The following PON3 variants were observed in gnomAD, a reference collection of about 807,000 sequenced individuals.
The protein encoded by PON3 is paraoxonase 3.
Under a neutral mutation model 36.3 loss-of-function variants are expected in PON3, and 37 were observed. The ratio of observed to expected loss-of-function variants is 1.02; its 90% CI spans 0.78 to 1.34. PON3 has a LOEUF of 1.34. PON3 is among the 40% of genes most tolerant of loss of function. The pLI, the probability that PON3 is intolerant of heterozygous loss-of-function variation, is 0.00. For synonymous variants in PON3, 155 were observed against 154.8 expected, an observed-to-expected ratio of 1.00 and a Z score of -0.01; for missense variants, 415 against 426.5, an observed-to-expected ratio of 0.97 and a Z score of 0.24.
At chr7:95,384,879 T>C (rs4425687) in intron 3 of PON3, among the ~76,000 whole-genome samples, 38,895 of 152,090 alleles carry the variant, frequency 0.26, 5,407 homozygotes, top group South Asian at 0.36. Context: ...ATATAAATCC[T>C]GCTGCTATAA....
At chr7:95,362,955 C>T (rs1808606980) in intron 6 of PON3, 114 bp from the exon 7 acceptor site, 1 of 737,276 alleles carries the variant, frequency 1.4e-6, no homozygotes, top group African/African-American at 1.7e-5. Context: ...CACTGCAATC[C>T]TTTTCTAAAC....
intron 3 of PON3, among the ~76,000 whole-genome samples, chr7:95,387,824 C>T (rs1809232302): frequency 6.6e-6 from 1 of 152,104 alleles, no homozygotes; most frequent in Non-Finnish European, 1.5e-5. Flanking sequence ...TCAGAAATAA[C>T]ACCACACATC....
At chr7:95,364,501 G>T (rs1808647288) in intron 5 of PON3, 2 of 239,242 alleles carry the variant, frequency 8.4e-6, no homozygotes, top group Non-Finnish European at 8.2e-6. Flanking sequence ...TGAGGTGAGT[G>T]GCTTGTGGAT....
chr7:95,396,101 T>C (rs1809425223), intron 1 of PON3, 176 bp downstream of exon 1: 1 of 710,426 alleles, frequency 1.4e-6, no homozygotes, highest in Non-Finnish European at 2.5e-6. Context: ...GAAACGCAAG[T>C]AGCTCACTTT....
Position 95,359,904 on chromosome 7 carries a change from A to C in PON3, c.*69T>G, listed in dbSNP as rs1808524743. 1 of 1,497,040 alleles carries C rather than the reference A, an allele frequency of 6.7e-7. No individual in the cohort carries two copies. Among genetic ancestry groups the C allele is most frequent in the East Asian group, 2.3e-5 (1 of 42,828 alleles). 92.7% of individuals were successfully genotyped at this position (1,497,040 alleles called of 1,614,324 possible). A position where few individuals can be genotyped will look rare whatever the true frequency, so the allele number is the denominator to read the frequency against. ...TTGCTATTTACTTACAGTGCCACTT[A>C]TCATACAATTATCAGTTTACTTTTA... On this transcript the variant is annotated 3_prime_UTR_variant, in exon 9 of 9. Coordinates refer to ENST00000265627, the MANE Select transcript of PON3 (RefSeq NM_000940.3).
rs371160660 is a variant in PON3 at position 95,360,147 on chromosome 7, C to T, written c.907-16G>A. 1.8e-4 allele frequency: 288 copies of T among 1,607,738 alleles called. 1 individual carries two copies. Among genetic ancestry groups the T allele is most frequent in the Middle Eastern group, 9.9e-4 (6 of 6,052 alleles). On this transcript the variant is annotated splice_polypyrimidine_tract_variant and intron_variant, in intron 8 of 8. Coordinates refer to ENST00000265627, the MANE Select transcript of PON3 (RefSeq NM_000940.3). ...TGCGAAGTACCTGTCGAGAAAAGAT[C>T]GTTTATTAGTATATTATGTGAGTAA...
chr7:95,360,053 C>T lies in PON3; in HGVS notation c.985G>A (p.Gly329Ser). 1 of 1,613,348 alleles carries T rather than the reference C, an allele frequency of 6.2e-7. No homozygotes were observed. Among genetic ancestry groups the T allele is most frequent in the African/African-American group, 1.3e-5 (1 of 74,880 alleles). ...TGGTACACAGAAGCCACAGAGGTGC[C>T]CTGAAGCACAGAGCCATTGTTGGCA... ...VYANNGSVLQ[G>S]TSVASVYHGK... is the part of the protein sequence containing the mutation. Residue 329 changes from glycine (G) to serine (S), a missense_variant, in exon 9 of 9, where the codon GGC becomes AGC. Gly to Ser is a moderately conservative substitution (Grantham distance 56). Coordinates refer to ENST00000265627, the MANE Select transcript of PON3 (RefSeq NM_000940.3).
intron 3 of PON3, among the ~76,000 whole-genome samples, chr7:95,388,761 A>C (rs1162817309): frequency 6.6e-6 from 1 of 152,238 alleles, no homozygotes; most frequent in East Asian, 1.9e-4. Flanking sequence ...ATGCAGCCAT[A>C]AAAGAGGATG....
chr7:95,372,753 G>A (rs1322669191), intron 3 of PON3, among the ~76,000 whole-genome samples: 1 of 152,144 alleles, frequency 6.6e-6, no homozygotes, highest in Admixed American at 6.5e-5. Context: ...CTTCCTCAAA[G>A]CAGAGAGAAG....
Position 95,372,152 on chromosome 7 carries a change from C to T in PON3, c.367+21G>A, listed in dbSNP as rs143592627. On this transcript the variant is annotated intron_variant, in intron 4 of 8. Coordinates refer to ENST00000265627, the MANE Select transcript of PON3 (RefSeq NM_000940.3). ...TCTATTTCCCTCATTTCCCCCTTAT[C>T]CCTAAACATACAGGTTTTACCTTTG... The T allele has an allele frequency of 1.2e-3, 1,957 of 1,607,814 alleles. 4 individuals are homozygous for T. The highest frequency in any genetic ancestry group is 1.5e-3 in the Non-Finnish European group (1,818 of 1,174,476).
intron 6 of PON3, 35 bp from the exon 7 acceptor site, chr7:95,362,876 G>A (rs773226041): frequency 6.9e-7 from 1 of 1,447,814 alleles, no homozygotes; most frequent in South Asian, 1.1e-5. Flanking sequence ...TTAAGCAAGT[G>A]GTAATGAGAG....
chr7:95,389,048 C>T (rs1277477852), intron 3 of PON3, among the ~76,000 whole-genome samples: 1 of 152,014 alleles, frequency 6.6e-6, no homozygotes, highest in Non-Finnish European at 1.5e-5. Flanking sequence ...TGTAACAAAC[C>T]TGCACGTTGT....
At chr7:95,363,606 A>T in intron 6 of PON3, 1 of 513,608 alleles carries the variant, frequency 1.9e-6, no homozygotes, top group Non-Finnish European at 3.5e-6. Context: ...GTGTGTTTCA[A>T]GAGTTATGTA....
At chr7:95,376,860 C>T (rs1469408248) in intron 3 of PON3, among the ~76,000 whole-genome samples, 7 of 152,306 alleles carry the variant, frequency 4.6e-5, no homozygotes, top group Non-Finnish European at 7.3e-5. Context: ...TCTGCATTTC[C>T]GACTGAGGTA....
intron 3 of PON3, among the ~76,000 whole-genome samples, chr7:95,380,703 G>A (rs1437241804): frequency 6.6e-6 from 1 of 152,220 alleles, no homozygotes; most frequent in Non-Finnish European, 1.5e-5. Context: ...GGGACTATGT[G>A]AAAAGACCAA....
intron 3 of PON3, among the ~76,000 whole-genome samples, chr7:95,378,934 C>T (rs1032042302): frequency 6.6e-6 from 1 of 152,084 alleles, no homozygotes; most frequent in African/African-American, 2.4e-5. Context: ...GGGCTAAATG[C>T]CCCGATTAAA....
chr7:95,365,705 C>A (rs1387279619), intron 5 of PON3: 3 of 152,140 alleles, frequency 2.0e-5, no homozygotes, highest in Non-Finnish European at 4.4e-5. Context: ...GGCTAGGAAT[C>A]CAAAACCGTG....
At chr7:95,388,110 A>T (rs1809239206) in intron 3 of PON3, among the ~76,000 whole-genome samples, 1 of 152,096 alleles carries the variant, frequency 6.6e-6, no homozygotes, top group Non-Finnish European at 1.5e-5. Flanking sequence ...TAAACTAAAG[A>T]GCTTCTGCAC....
chr7:95,367,465 C>A lies in PON3; in HGVS notation c.391G>T (p.Val131Leu). Residue 131 changes from valine (V) to leucine (L), a missense_variant, in exon 5 of 9, where the codon GTG becomes TTG. Val to Leu is a conservative substitution (Grantham distance 32). Coordinates refer to ENST00000265627, the MANE Select transcript of PON3 (RefSeq NM_000940.3). ...DKDNTVYLYV[V>L]NHPHMKSTVE... Reference sequence around the variant, plus strand: ...GTGGACTTCATGTGGGGATGATTCACAACATAAAGATACACAGTATTGTCT... The same window carrying A: ...GTGGACTTCATGTGGGGATGATTCAAAACATAAAGATACACAGTATTGTCT... 6.2e-7 allele frequency: 1 copy of A among 1,613,132 alleles called. No homozygotes were observed. The highest frequency in any genetic ancestry group is 8.5e-7 in the Non-Finnish European group (1 of 1,179,402).
Sources: allele counts gnomAD v4.1 joint callset (sites outside exome capture counted in the v4.1 genomes callset), GRCh38; gene constraint gnomAD v4.1.1; transcripts MANE v1.5; gene names NCBI Gene and HGNC (gene_info 2026-07-23, HGNC 2026-07-21).